CRY1: variants seen among roughly 807,000 people sequenced by gnomAD.
The protein encoded by CRY1 is cryptochrome circadian regulator 1, also known as cryptochrome-1.
Under a neutral mutation model 76.0 loss-of-function variants are expected in CRY1, and 45 were observed. That is an observed-to-expected ratio of 0.59 (90% CI 0.47 to 0.76). The LOEUF (loss-of-function observed/expected upper bound fraction) is 0.76. Among genes scored for constraint, CRY1 ranks in the 30% least tolerant of loss-of-function variants. The pLI, the probability that CRY1 is intolerant of heterozygous loss-of-function variation, is 0.00. For synonymous variants in CRY1, 248 were observed against 244.0 expected (o/e 1.02, Z -0.15); for missense variants, 587 against 716.4 (o/e 0.82, Z 2.06).
chr12:107,011,904 T>C (rs1952448097), intron 2 of CRY1, among the ~76,000 whole-genome samples: 1 of 152,084 alleles, frequency 6.6e-6, no homozygotes, highest in African/African-American at 2.4e-5. Flanking sequence ...AAAAAGTCAA[T>C]GCCAGGCCAG....
intron 10 of CRY1, among the ~76,000 whole-genome samples, chr12:106,995,776 T>G (rs1952227812): frequency 6.6e-6 from 1 of 152,186 alleles, no homozygotes; most frequent in African/African-American, 2.4e-5. Context: ...AAGACCAGCA[T>G]GCATTAGCTA....
intron 1 of CRY1, among the ~76,000 whole-genome samples, chr12:107,037,596 C>A (rs1952749923): frequency 6.6e-6 from 1 of 152,164 alleles, no homozygotes; most frequent in South Asian, 2.1e-4. Context: ...CCGTGTAAAT[C>A]ATGGTAGAGA....
At chr12:107,085,211 G>T (rs1396790596) in intron 1 of CRY1, among the ~76,000 whole-genome samples, 1 of 152,188 alleles carries the variant, frequency 6.6e-6, no homozygotes, top group Non-Finnish European at 1.5e-5. Context: ...TTACACTGTT[G>T]GTGGGAGTGT....
intron 2 of CRY1, among the ~76,000 whole-genome samples, chr12:107,010,438 A>T (rs1478323313): frequency 6.6e-6 from 1 of 152,146 alleles, no homozygotes; most frequent in Non-Finnish European, 1.5e-5. Context: ...CACTTCTCAG[A>T]TATTGTGCAT....
intron 4 of CRY1, 89 bp from the exon 5 acceptor site, chr12:107,001,457 A>G (rs1350501081): frequency 5.3e-6 from 6 of 1,131,542 alleles, no homozygotes; most frequent in Non-Finnish European, 7.7e-6. Context: ...ACTTTGCAGA[A>G]AAATTAAGAG....
intron 1 of CRY1, among the ~76,000 whole-genome samples, chr12:107,064,821 G>A (rs1413085971): frequency 6.6e-6 from 1 of 152,128 alleles, no homozygotes. Flanking sequence ...AAATGGAATA[G>A]AAAAAGTATT....
Position 107,081,983 on chromosome 12 carries a change from T to C in CRY1, c.158+10821A>G, listed in dbSNP as rs141620504. Among the ~76,000 whole-genome samples, 15 of 151,982 alleles carry C rather than the reference T, an allele frequency of 9.9e-5. No individual in the cohort carries two copies. The East Asian group carries it at 2.9e-3, about 29-fold the overall frequency. ...AAAAACTGGTACCAGGAATGGGGTG[T>C]TGCTATAAAGATATCTAAAAACATA... On this transcript the variant is annotated intron_variant, in intron 1 of 12. Transcript: ENST00000008527.
At chr12:107,013,299 G>A (rs1457454170) in intron 2 of CRY1, among the ~76,000 whole-genome samples, 1 of 152,140 alleles carries the variant, frequency 6.6e-6, no homozygotes, top group African/African-American at 2.4e-5. Context: ...TCAGCATTGA[G>A]GCAAGAACCT....
At chr12:107,043,768 C>T (rs1952824041) in intron 1 of CRY1, among the ~76,000 whole-genome samples, 1 of 152,166 alleles carries the variant, frequency 6.6e-6, no homozygotes, top group Non-Finnish European at 1.5e-5. Flanking sequence ...TTTGCTGCCA[C>T]TACATCTGGC....
In CRY1 at chr12:107,048,889, G is replaced by GT. The variant is rs202137300; in HGVS notation, c.159-26698dup. Among the ~76,000 whole-genome samples, 785 of 152,060 alleles carry GT rather than the reference G, an allele frequency of 5.2e-3. 7 individuals are homozygous for GT. The highest frequency in any genetic ancestry group is 0.018 in the African/African-American group (735 of 41,462). ...GATTTCCTATGAGTCTAATTGTCTGGTTTTTTTCCTCCTGGTTTCAGTCAT... is the reference window on the plus strand; with the variant it reads ...GATTTCCTATGAGTCTAATTGTCTGGTTTTTTTTCCTCCTGGTTTCAGTCAT... On this transcript the variant is annotated intron_variant, in intron 1 of 12. Transcript: ENST00000008527.
At chr12:107,083,716 C>G (rs1001561999) in intron 1 of CRY1, among the ~76,000 whole-genome samples, 3 of 152,180 alleles carry the variant, frequency 2.0e-5, no homozygotes, top group African/African-American at 4.8e-5. Flanking sequence ...CTATTTATGA[C>G]AAACCCATAG....
intron 1 of CRY1, among the ~76,000 whole-genome samples, chr12:107,035,748 G>T: frequency 6.6e-6 from 1 of 152,120 alleles, no homozygotes; most frequent in East Asian, 1.9e-4. Context: ...ATATCGGGGG[G>T]TATAATTTTA....
At chr12:107,009,819 T>C (rs1254170285) in intron 2 of CRY1, among the ~76,000 whole-genome samples, 1 of 151,778 alleles carries the variant, frequency 6.6e-6, no homozygotes, top group Non-Finnish European at 1.5e-5. Flanking sequence ...TCTTTGTTTA[T>C]GGGGGACACT....
rs1275359281 is a variant in CRY1, at chr12:107,093,176, G to A, written c.-215C>T. The A allele has an allele frequency of 5.5e-6, 3 of 545,890 alleles. No homozygotes were observed. The highest frequency in any genetic ancestry group is 7.4e-5 in the Admixed American group (2 of 26,888). The allele number at this position is 545,890 out of a possible 1,614,324, so 33.8% of individuals were successfully genotyped here. A position where few individuals can be genotyped will look rare whatever the true frequency, so the allele number is the denominator to read the frequency against. On this transcript the variant is annotated 5_prime_UTR_variant, in exon 1 of 13. Transcript: ENST00000008527. ...GATGAATGGAGGTTGCCTAGTCGGC[G>A]GAGTCCGGGTGTGACGCCCTTTAGG... is the stretch of plus-strand genomic sequence containing the variant.
intron 1 of CRY1, among the ~76,000 whole-genome samples, chr12:107,070,999 C>T (rs949168733): frequency 3.3e-5 from 5 of 151,890 alleles, no homozygotes; most frequent in Admixed American, 1.3e-4. Context: ...CCACAGCGCC[C>T]GGCCTGGATT....
Position 106,992,965 on chromosome 12 carries a change from C to A in CRY1, c.1657G>T (p.Gly553Ter). 6.2e-7 allele frequency: 1 copy of A among 1,613,968 alleles called. No homozygotes were observed. Residue 553 changes from glycine to a stop codon, truncating the protein, a stop_gained and splice_region_variant, in exon 11 of 13, where the codon GGA becomes TGA. Coordinates refer to ENST00000008527, the MANE Select transcript of CRY1 (RefSeq NM_004075.5). LOFTEE classifies it high-confidence loss of function. ...DSQQTHLLKQ[G>*]RSSMGTGLSG... ...GTATGCTCCAATGCTTCATTCTTAC[C>A]TTGCTTCAACAGGTGAGTTTGCTGA...
At chr12:107,016,073 GCAAAGGCAGGTAGACC>G (rs1385640003) in intron 2 of CRY1, among the ~76,000 whole-genome samples, 1 of 152,210 alleles carries the variant, frequency 6.6e-6, no homozygotes, top group Non-Finnish European at 1.5e-5. Flanking sequence ...ACTTTGGGAG[GCAAAGGCAGGTAGACC>G]ACTTAAGGTC....
chr12:107,075,197 C>T (rs1953237963), intron 1 of CRY1, among the ~76,000 whole-genome samples: 1 of 152,172 alleles, frequency 6.6e-6, no homozygotes, highest in Non-Finnish European at 1.5e-5. Context: ...CTAATAAGTC[C>T]AATTCCTATT....
In CRY1 at chr12:107,092,695, A is replaced by G. The variant is rs1593551937; in HGVS notation, c.158+109T>C. The G allele has an allele frequency of 5.4e-6, 8 of 1,495,052 alleles. No individual in the cohort carries two copies. In the East Asian group the frequency reaches 2.0e-4, roughly 36 times the overall value. 92.6% of individuals were successfully genotyped at this position (1,495,052 alleles called of 1,614,324 possible). ...GCACCTAAAATTCGTAAGCGGTATA[A>G]GCAAGACAGTCCCACGTCTAAATTC... On this transcript the variant is annotated intron_variant, in intron 1 of 12. Coordinates refer to ENST00000008527, the MANE Select transcript of CRY1 (RefSeq NM_004075.5).
Sources: allele counts gnomAD v4.1 joint callset (sites outside exome capture counted in the v4.1 genomes callset), GRCh38; gene constraint gnomAD v4.1.1; transcripts MANE v1.5; gene names NCBI Gene and HGNC (gene_info 2026-07-23, HGNC 2026-07-21).